Variants in NSF observed in about 807,000 individuals in gnomAD.
NSF encodes the protein N-ethylmaleimide sensitive factor, vesicle fusing ATPase, also known as vesicle-fusing ATPase.
In NSF, 14 loss-of-function variants were observed where a neutral mutation model predicts 50.3. The observed-to-expected ratio is 0.28, with a 90% CI of 0.18 to 0.44. The LOEUF (loss-of-function observed/expected upper bound fraction) is 0.44. Ranked by LOEUF, NSF falls within the 20% of genes least tolerant of loss-of-function variation. The probability of loss-of-function intolerance (pLI) is 1.00; values close to 1 mark genes in which losing one functional copy is unlikely to be tolerated. For missense variants in NSF, 218 were observed against 504.3 expected, an observed-to-expected ratio of 0.43 and a Z score of 5.44; for synonymous variants, 109 against 175.7, an observed-to-expected ratio of 0.62 and a Z score of 3.00.
At chr17:46,726,342 A>T (rs912091542) in intron 15 of NSF, among the ~76,000 whole-genome samples, 2 of 152,210 alleles carry the variant, frequency 1.3e-5, no homozygotes, top group African/African-American at 4.8e-5. Flanking sequence ...CCCAGGTGTG[A>T]CACACACAGC....
chr17:46,724,443 C>T (rs527687327), intron 15 of NSF, among the ~76,000 whole-genome samples: 1 of 152,114 alleles, frequency 6.6e-6, no homozygotes, highest in Non-Finnish European at 1.5e-5. Context: ...CCATGATAGC[C>T]AAGGCAGGGA....
chr17:46,713,665 C>G (rs1383757193), intron 14 of NSF, among the ~76,000 whole-genome samples, 188 bp from the exon 15 acceptor site: 1 of 152,140 alleles, frequency 6.6e-6, no homozygotes, highest in Non-Finnish European at 1.5e-5. Flanking sequence ...TTGAGAAATG[C>G]TAATTAGTTC....
intron 17 of NSF, among the ~76,000 whole-genome samples, chr17:46,729,178 ATTGTATTTTGTTGTTTTGTAAGTTTT>A (rs2058923419): frequency 6.6e-6 from 1 of 152,090 alleles, no homozygotes; most frequent in Non-Finnish European, 1.5e-5. Context: ...AACAATTAGC[ATTGTATTTTGTTGTTTTGTAAGTTTT>A]CCACCATATT....
chr17:46,598,642 A>C (rs1246936747), intron 1 of NSF, among the ~76,000 whole-genome samples: 1 of 152,108 alleles, frequency 6.6e-6, no homozygotes, highest in Non-Finnish European at 1.5e-5. Context: ...TGTCGAATCT[A>C]GTGTTTTGAC....
intron 17 of NSF, among the ~76,000 whole-genome samples, chr17:46,734,223 A>T (rs1303058630): frequency 6.6e-6 from 1 of 152,226 alleles, no homozygotes; most frequent in Admixed American, 6.5e-5. Context: ...TGCAGGCCTA[A>T]ACATGAGTAT....
At chr17:46,749,666 A>G in intron 17 of NSF, 107 bp from the exon 18 acceptor site, 5 of 1,064,630 alleles carry the variant, frequency 4.7e-6, no homozygotes, top group Non-Finnish European at 6.6e-6. Context: ...AATCATTTGC[A>G]TCGGCAAGAT....
chr17:46,721,600 G>A, intron 15 of NSF: 1 of 1,566,946 alleles, frequency 6.4e-7, no homozygotes, highest in South Asian at 1.1e-5. Flanking sequence ...GAAACTCTGG[G>A]AATTCAAAAT....
chr17:46,658,024 C>T (rs2058275806), intron 8 of NSF, among the ~76,000 whole-genome samples: 1 of 42,876 alleles, frequency 2.3e-5, no homozygotes, highest in Non-Finnish European at 4.0e-5. Flanking sequence ...CACAGTGGTT[C>T]TCAGTCTTTG....
chr17:46,721,995 T>C (rs1159614575), intron 15 of NSF: 2 of 1,607,990 alleles, frequency 1.2e-6, no homozygotes, highest in African/African-American at 2.7e-5. Context: ...ATGATAGCTT[T>C]CCGACCACCA....
At chr17:46,713,619 G>A (rs1380634275) in intron 14 of NSF, among the ~76,000 whole-genome samples, 1 of 152,156 alleles carries the variant, frequency 6.6e-6, no homozygotes, top group Non-Finnish European at 1.5e-5. Context: ...TTAAGGATAT[G>A]TGAGAATGTC....
chr17:46,722,761 G>T (rs1249717094), intron 15 of NSF, among the ~76,000 whole-genome samples: 2 of 152,168 alleles, frequency 1.3e-5, no homozygotes, highest in East Asian at 3.8e-4. Flanking sequence ...AAGAAAAAGG[G>T]ATGTGTGTGT....
chr17:46,755,940 C>G lies in NSF; in HGVS notation c.*117C>G. 1.1e-6 allele frequency: 1 copy of G among 940,426 alleles called. No homozygotes were observed. Among genetic ancestry groups the G allele is most frequent in the Non-Finnish European group, 1.6e-6 (1 of 609,900 alleles). The allele number at this position is 940,426 out of a possible 1,614,324, so 58.3% of individuals were successfully genotyped here. A position where few individuals can be genotyped will look rare whatever the true frequency, so the allele number is the denominator to read the frequency against. On this transcript the variant is annotated 3_prime_UTR_variant, in exon 21 of 21. Transcript: ENST00000398238. ...TAAGTGGAACGTTCTCTACCTTCAA[C>G]ATGTGCTCGCTCTGCATGATTAGTG... is the stretch of plus-strand genomic sequence containing the variant.
rs978550847 is a variant in NSF at position 46,749,758 on chromosome 17, T to G, written c.1909-15T>G. On this transcript the variant is annotated splice_polypyrimidine_tract_variant and intron_variant, in intron 17 of 20. Transcript: ENST00000398238. ...TTATTATGTACATTTTAACACATTT[T>G]CTCCCTATGATCAGGGCCGCAAGCT... 45 of 1,607,904 alleles carry G rather than the reference T, an allele frequency of 2.8e-5. No individual in the cohort carries two copies. The highest frequency in any genetic ancestry group is 3.6e-5 in the Non-Finnish European group (42 of 1,176,152).
At position 46,749,761 on chromosome 17, in the gene NSF, C is replaced by G; in HGVS notation, c.1909-12C>G. On this transcript the variant is annotated splice_polypyrimidine_tract_variant and intron_variant, in intron 17 of 20. Transcript: ENST00000398238. ...TTATGTACATTTTAACACATTTTCTCCCTATGATCAGGGCCGCAAGCTTCT... is the reference window on the plus strand; with the variant it reads ...TTATGTACATTTTAACACATTTTCTGCCTATGATCAGGGCCGCAAGCTTCT... 3 of 1,609,662 alleles carry G rather than the reference C, an allele frequency of 1.9e-6. No individual in the cohort carries two copies. The highest frequency in any genetic ancestry group is 2.5e-6 in the Non-Finnish European group (3 of 1,177,184).
chr17:46,690,636 T>TAG (rs1210491920), intron 9 of NSF, among the ~76,000 whole-genome samples: 15 of 130,894 alleles, frequency 1.1e-4, no homozygotes, highest in African/African-American at 4.1e-4. Flanking sequence ...TATATATATA[T>TAG]ATATATTGTA....
chr17:46,722,171 T>G (rs2058837733), intron 15 of NSF: 1 of 1,611,472 alleles, frequency 6.2e-7, no homozygotes, highest in Non-Finnish European at 8.5e-7. Flanking sequence ...TGAACATGGC[T>G]TTCTCCTGGG....
chr17:46,741,551 C>T (rs2059071802), intron 17 of NSF, among the ~76,000 whole-genome samples: 1 of 151,894 alleles, frequency 6.6e-6, no homozygotes. Flanking sequence ...TTATTTGAAA[C>T]ATCCTTCCTT....
chr17:46,709,604 C>T (rs905908121), intron 13 of NSF, among the ~76,000 whole-genome samples: 1 of 151,938 alleles, frequency 6.6e-6, no homozygotes, highest in East Asian at 1.9e-4. Flanking sequence ...AAGCAATTCT[C>T]CTACCTCAGC....
At chr17:46,751,121 C>T (rs2059178189) in intron 18 of NSF, among the ~76,000 whole-genome samples, 1 of 152,078 alleles carries the variant, frequency 6.6e-6, no homozygotes, top group African/African-American at 2.4e-5. Flanking sequence ...TCAGGTTACC[C>T]ATGTAGACAG....
Sources: gnomAD v4.1 joint callset for allele counts (sites outside exome capture counted in the v4.1 genomes callset) on GRCh38, gnomAD v4.1.1 for gene constraint, MANE v1.5 for transcripts, NCBI Gene and HGNC (gene_info 2026-07-23, HGNC 2026-07-21) for gene names.